BICDL1: variants seen among roughly 807,000 people sequenced by gnomAD.
The protein encoded by BICDL1 is BICD family-like cargo adapter 1.
A neutral mutation model predicts 76.8 loss-of-function variants in BICDL1; 20 were observed. The ratio of observed to expected loss-of-function variants is 0.26; its 90% CI spans 0.18 to 0.38. The LOEUF (loss-of-function observed/expected upper bound fraction) is 0.38. Among genes scored for constraint, BICDL1 ranks in the 10% least tolerant of loss-of-function variants. BICDL1 has a pLI of 1.00. For missense variants in BICDL1, 700 were observed against 798.6 expected, an observed-to-expected ratio of 0.88 and a Z score of 1.49; for synonymous variants, 383 against 337.1, an observed-to-expected ratio of 1.14 and a Z score of -1.49.
chr12:120,003,183 G>A (rs1033515646), intron 2 of BICDL1, among the ~76,000 whole-genome samples: 22 of 150,686 alleles, frequency 1.5e-4, no homozygotes, highest in East Asian at 1.2e-3. Flanking sequence ...AAAACAGTCG[G>A]TAGGGAAGGC....
chr12:120,000,399 C>G (rs935015451), intron 2 of BICDL1: 3 of 152,158 alleles, frequency 2.0e-5, no homozygotes, highest in African/African-American at 7.2e-5. Context: ...CTTTTTTCAG[C>G]AACTGGGAAT....
intron 1 of BICDL1, among the ~76,000 whole-genome samples, chr12:119,996,518 C>T (rs933119008): frequency 4.6e-5 from 7 of 152,144 alleles, no homozygotes; most frequent in Non-Finnish European, 7.3e-5. Flanking sequence ...ATGGTGAGAA[C>T]TTCAGGTGAA....
rs1275306507 is a variant in BICDL1, at chr12:120,078,511, T to A, written c.1453-2376T>A. 2.0e-5 allele frequency among the ~76,000 whole-genome samples: 3 copies of A among 152,222 alleles called. No homozygotes were observed. In the East Asian group the frequency reaches 5.8e-4, roughly 29 times the overall value. On this transcript the variant is annotated intron_variant, in intron 7 of 9. Transcript: ENST00000548673. ...GATCAGTTATCATGACAGCAGTGAT[T>A]AGGTCCCACCTTGCAGGAGGGAGGA...
chr12:120,022,049 A>G (rs1952195994), intron 2 of BICDL1, among the ~76,000 whole-genome samples: 1 of 151,434 alleles, frequency 6.6e-6, no homozygotes, highest in South Asian at 2.1e-4. Context: ...CCAAAAACCA[A>G]AGAAGAGTAT....
At chr12:120,014,885 A>G (rs139451127) in intron 2 of BICDL1, among the ~76,000 whole-genome samples, 1 of 152,282 alleles carries the variant, frequency 6.6e-6, no homozygotes, top group East Asian at 1.9e-4. Flanking sequence ...CTTCCCTAAA[A>G]TGAAAGGAAT....
intron 2 of BICDL1, among the ~76,000 whole-genome samples, chr12:120,026,626 G>A (rs902220330): frequency 1.1e-4 from 16 of 152,172 alleles, no homozygotes; most frequent in African/African-American, 3.9e-4. Flanking sequence ...AATGATGGAG[G>A]CAAAGGGCTG....
At chr12:120,025,552 C>T (rs1952281656) in intron 2 of BICDL1, among the ~76,000 whole-genome samples, 1 of 152,136 alleles carries the variant, frequency 6.6e-6, no homozygotes, top group Non-Finnish European at 1.5e-5. Flanking sequence ...TCCACATGAC[C>T]GTACACTCTG....
At chr12:120,022,027 A>C (rs1053938744) in intron 2 of BICDL1, among the ~76,000 whole-genome samples, 5 of 151,340 alleles carry the variant, frequency 3.3e-5, no homozygotes, top group Non-Finnish European at 5.9e-5. Context: ...TACAAAAAAA[A>C]CAAAAAGACA....
rs927782033 is a variant in BICDL1, at chr12:120,079,567, T to G, written c.1453-1320T>G. 1.3e-5 allele frequency among the ~76,000 whole-genome samples: 2 copies of G among 152,340 alleles called. No individual in the cohort carries two copies. Among genetic ancestry groups the G allele is most frequent in the Admixed American group, 6.5e-5 (1 of 15,302 alleles). The stretch of plus-strand genomic sequence containing the variant: ...TGAAGGCAGGGCTAGGCATCCTGAC[T>G]CACGTCTGATCTTATCAACTGAGAA... On this transcript the variant is annotated intron_variant, in intron 7 of 9. Coordinates refer to ENST00000548673, the MANE Select transcript of BICDL1 (RefSeq NM_001367886.1). The surrounding 1 kb of genome is among the most constrained non-coding windows in gnomAD (Gnocchi z 4.3).
chr12:120,015,879 C>T (rs61313213), intron 2 of BICDL1, among the ~76,000 whole-genome samples: 3,892 of 152,262 alleles, frequency 0.026, 168 homozygotes, highest in African/African-American at 0.088. Flanking sequence ...TGACCTTCTA[C>T]AATATTTTGA....
Position 119,989,245 on chromosome 12 carries a change from C to G in BICDL1, c.-624C>G, listed in dbSNP as rs1419401988. Among the ~76,000 whole-genome samples, 1 of 150,024 alleles carries G rather than the reference C, an allele frequency of 6.7e-6. No homozygotes were observed. The highest frequency in any genetic ancestry group is 1.5e-5 in the Non-Finnish European group (1 of 67,176). ...AGGAGCCGGGGAAGGCAGGAAGGAG[C>G]TCGCCGGGTTGCGCGGCGCGCGATG... On this transcript the variant is annotated 5_prime_UTR_variant, in exon 1 of 10. Transcript: ENST00000548673.
At chr12:120,076,360 G>A (rs1305147521) in intron 7 of BICDL1, among the ~76,000 whole-genome samples, 1 of 152,178 alleles carries the variant, frequency 6.6e-6, no homozygotes, top group East Asian at 1.9e-4. Flanking sequence ...TAAAAGTTTT[G>A]CTTATTTTAA....
At chr12:119,995,107 A>T (rs1951612781) in intron 1 of BICDL1, among the ~76,000 whole-genome samples, 1 of 152,076 alleles carries the variant, frequency 6.6e-6, no homozygotes, top group Admixed American at 6.6e-5. Context: ...GACAATTTTG[A>T]TATTAACTTT....
At chr12:120,011,602 A>G (rs1301517237) in intron 2 of BICDL1, among the ~76,000 whole-genome samples, 1 of 152,198 alleles carries the variant, frequency 6.6e-6, no homozygotes, top group African/African-American at 2.4e-5. Context: ...CTTTGAAGTT[A>G]TAACTTGATC....
At chr12:120,092,824 G>A in intron 9 of BICDL1, 176 bp from the exon 10 acceptor site, 1 of 985,390 alleles carries the variant, frequency 1.0e-6, no homozygotes, top group Non-Finnish European at 1.2e-6. Context: ...GCTCCTGCGT[G>A]CGCCTGGTGT....
intron 2 of BICDL1, among the ~76,000 whole-genome samples, chr12:120,041,574 G>A (rs893546981): frequency 6.6e-6 from 1 of 152,158 alleles, no homozygotes; most frequent in South Asian, 2.1e-4. Flanking sequence ...TATCTGTCGG[G>A]TGTAATAAGC....
At position 120,064,867 on chromosome 12, in the gene BICDL1, C is replaced by T; in HGVS notation, c.897C>T (p.Asp299=). ...RVLILERQGH[D]KDLQLHQSQL... ...TAATCCTGGAGAGGCAGGGCCATGACAAGGACCTACAGGTACTGGGGTAGA... is the reference window on the plus strand; with the variant it reads ...TAATCCTGGAGAGGCAGGGCCATGATAAGGACCTACAGGTACTGGGGTAGA... Residue 299 remains aspartate (D), a synonymous_variant, in exon 4 of 10, where the codon GAC becomes GAT. Transcript: ENST00000548673. 6.2e-7 allele frequency: 1 copy of T among 1,610,566 alleles called. No individual in the cohort carries two copies. The highest frequency in any genetic ancestry group is 1.1e-5 in the South Asian group (1 of 90,658).
chr12:119,997,106 G>A (rs1951666274), intron 1 of BICDL1, among the ~76,000 whole-genome samples: 1 of 151,860 alleles, frequency 6.6e-6, no homozygotes, highest in South Asian at 2.1e-4. Flanking sequence ...TCGCCACCTC[G>A]CCCGGCTAAT....
At chr12:120,066,454 CTGGGTTGG>C (rs2138921152) in intron 4 of BICDL1, among the ~76,000 whole-genome samples, 1 of 152,244 alleles carries the variant, frequency 6.6e-6, no homozygotes, top group Admixed American at 6.5e-5. Context: ...AACTGGGGAC[CTGGGTTGG>C]GGGAAAGAGG....
Sources: gnomAD v4.1 joint callset for allele counts (sites outside exome capture counted in the v4.1 genomes callset) on GRCh38, gnomAD v4.1.1 for gene constraint, Gnocchi (gnomAD v3.1) non-coding constraint, MANE v1.5 for transcripts, NCBI Gene and HGNC (gene_info 2026-07-23, HGNC 2026-07-21) for gene names.